The following CDYL2 variants were observed in gnomAD, a reference collection of about 807,000 sequenced individuals.
CDYL2 encodes chromodomain Y-like protein 2.
CDYL2 carries 23 observed loss-of-function variants against 49.4 expected under a neutral mutation model. The observed-to-expected ratio is 0.47, with a 90% CI of 0.34 to 0.66. The LOEUF is 0.66. CDYL2 is among the 30% of genes least tolerant of loss of function. The pLI, the probability that CDYL2 is intolerant of heterozygous loss-of-function variation, is 0.01. For missense variants in CDYL2, 678 were observed against 656.4 expected (o/e 1.03, Z -0.36); for synonymous variants, 360 against 268.8 (o/e 1.34, Z -3.32).
At chr16:80,723,358 G>T (rs1435343927) in intron 1 of CDYL2, among the ~76,000 whole-genome samples, 2 of 152,234 alleles carry the variant, frequency 1.3e-5, no homozygotes, top group African/African-American at 4.8e-5. Context: ...GCGCTGAGGA[G>T]CTGAGATGAA....
intron 6 of CDYL2, among the ~76,000 whole-genome samples, chr16:80,607,244 A>G (rs1461274077): frequency 2.0e-5 from 3 of 151,310 alleles, no homozygotes; most frequent in African/African-American, 7.4e-5. Context: ...ACTTAAACAC[A>G]GTAGGTGCCA....
rs1303176475 is a variant in CDYL2, at chr16:80,804,387, GGCA to G, written c.-217_-215del. 2.7e-5 allele frequency: 5 copies of G among 188,016 alleles called. No homozygotes were observed. Among genetic ancestry groups the G allele is most frequent in the Non-Finnish European group, 4.0e-5 (4 of 99,428 alleles). The allele number at this position is 188,016 out of a possible 1,614,324, so 11.6% of individuals were successfully genotyped here. A position where few individuals can be genotyped will look rare whatever the true frequency, so the allele number is the denominator to read the frequency against. ...GGGCGGCGGCGGGGCTGGCGTAACCGGCAGCAGCGGCGGCGGCGGCGGCGGCGG... is the reference window on the plus strand; with the variant it reads ...GGGCGGCGGCGGGGCTGGCGTAACCGGCAGCGGCGGCGGCGGCGGCGGCGG... On this transcript the variant is annotated 5_prime_UTR_variant, in exon 1 of 7. Coordinates refer to ENST00000570137, the MANE Select transcript of CDYL2 (RefSeq NM_152342.4).
intron 1 of CDYL2, among the ~76,000 whole-genome samples, chr16:80,798,090 G>T (rs1009453891): frequency 3.3e-5 from 5 of 152,138 alleles, no homozygotes. Context: ...ACCCAGGCTG[G>T]AGTGCAGTGG....
intron 2 of CDYL2, among the ~76,000 whole-genome samples, 188 bp downstream of exon 2, chr16:80,684,350 G>A (rs1313441822): frequency 1.3e-5 from 2 of 152,118 alleles, no homozygotes; most frequent in African/African-American, 4.8e-5. Context: ...CATGCATGAG[G>A]GTCTGTAACC....
chr16:80,627,359 T>C (rs1313727465), intron 3 of CDYL2, among the ~76,000 whole-genome samples: 1 of 151,934 alleles, frequency 6.6e-6, no homozygotes, highest in African/African-American at 2.4e-5. Flanking sequence ...AGAGAGTAGC[T>C]TCTCTGGCTA....
intron 1 of CDYL2, among the ~76,000 whole-genome samples, chr16:80,706,319 A>C (rs888922397): frequency 1.6e-4 from 24 of 152,302 alleles, no homozygotes; most frequent in African/African-American, 5.8e-4. Flanking sequence ...TGAGCTCAAA[A>C]ACAGGAGGGC....
At position 80,716,958 on chromosome 16, in the gene CDYL2, G is replaced by A. The variant is rs903061452; in HGVS notation, c.25-31829C>T. Reference sequence around the variant, plus strand: ...GAATGGATAGATAATGGATGGATGGGCAGATGGATGAGTGGATAGATGATT... The same window carrying A: ...GAATGGATAGATAATGGATGGATGGACAGATGGATGAGTGGATAGATGATT... On this transcript the variant is annotated intron_variant, in intron 1 of 6. Transcript: ENST00000570137. 4.1e-4 allele frequency among the ~76,000 whole-genome samples: 61 copies of A among 148,920 alleles called. 1 individual carries two copies. Among genetic ancestry groups the A allele is most frequent in the African/African-American group, 1.5e-3 (59 of 40,032 alleles).
chr16:80,654,046 T>G (rs1175926356), intron 2 of CDYL2, among the ~76,000 whole-genome samples: 2 of 152,230 alleles, frequency 1.3e-5, no homozygotes, highest in Non-Finnish European at 1.5e-5. Flanking sequence ...TCACCATTTC[T>G]GCCAATGAAG....
At position 80,678,639 on chromosome 16, in the gene CDYL2, T is replaced by C. The variant is rs754889301; in HGVS notation, c.616+5899A>G. Among the ~76,000 whole-genome samples the C allele has an allele frequency of 8.6e-3, 1,279 of 148,940 alleles. 22 individuals carry two copies. The highest frequency in any genetic ancestry group is 0.021 in the African/African-American group (838 of 40,494). On this transcript the variant is annotated intron_variant, in intron 2 of 6. Transcript: ENST00000570137. The stretch of plus-strand genomic sequence containing the variant: ...AGGTGCTGGAGAGGATGTGGAGAAA[T>C]AGGAACACTTTTACACTGTTGGTGG...
intron 1 of CDYL2, among the ~76,000 whole-genome samples, chr16:80,714,977 G>C (rs1290566146): frequency 2.0e-5 from 3 of 152,084 alleles, no homozygotes; most frequent in African/African-American, 7.2e-5. Context: ...CAGAGCTGTG[G>C]AGTCACTAAG....
At position 80,682,488 on chromosome 16, in the gene CDYL2, C is replaced by G. The variant is rs1244733830; in HGVS notation, c.616+2050G>C. Among the ~76,000 whole-genome samples the G allele has an allele frequency of 2.0e-5, 3 of 152,220 alleles. No individual in the cohort carries two copies. In the East Asian group the frequency reaches 5.8e-4, roughly 29 times the overall value. Reference sequence around the variant, plus strand: ...GAGCACAGAGCTCGCAGCTCTGCCTCACCGCAGAAGATTGCACAGCACAAG... The same window carrying G: ...GAGCACAGAGCTCGCAGCTCTGCCTGACCGCAGAAGATTGCACAGCACAAG... On this transcript the variant is annotated intron_variant, in intron 2 of 6. Transcript: ENST00000570137.
chr16:80,712,107 A>AGATGTGTGTGTATATATG (rs1212681976), intron 1 of CDYL2, among the ~76,000 whole-genome samples: 1 of 146,048 alleles, frequency 6.8e-6, no homozygotes, highest in African/African-American at 2.6e-5. Context: ...ATGTGTATAT[A>AGATGTGTGTGTATATATG]TGTGTATATA....
intron 4 of CDYL2, among the ~76,000 whole-genome samples, chr16:80,619,209 C>T (rs1461616105): frequency 3.3e-5 from 5 of 152,232 alleles, no homozygotes; most frequent in African/African-American, 1.2e-4. Context: ...GGAGCCCACA[C>T]TCCAATCCAG....
chr16:80,692,647 T>C (rs1262747100), intron 1 of CDYL2, among the ~76,000 whole-genome samples: 1 of 152,214 alleles, frequency 6.6e-6, no homozygotes. Context: ...AAATATTAAA[T>C]GATTTTCAAA....
chr16:80,739,160 G>C (rs907518304), intron 1 of CDYL2, among the ~76,000 whole-genome samples: 2 of 152,236 alleles, frequency 1.3e-5, no homozygotes, highest in African/African-American at 2.4e-5. Context: ...GTCATGAAAA[G>C]ACTGTATGAT....
chr16:80,729,936 G>C (rs571709572), intron 1 of CDYL2, among the ~76,000 whole-genome samples: 2 of 151,976 alleles, frequency 1.3e-5, no homozygotes, highest in Admixed American at 1.3e-4. Context: ...AGAATCTCTG[G>C]GACGCATTCA....
Position 80,599,639 on chromosome 16 carries a change from T to C in CDYL2, c.*4749A>G, listed in dbSNP as rs1597114156. On this transcript the variant is annotated 3_prime_UTR_variant, in exon 7 of 7. Coordinates refer to ENST00000570137, the MANE Select transcript of CDYL2 (RefSeq NM_152342.4). ...CAGATTGTCTACACAGTAAGACTCATAGGTAAACTTTGTTAACATCTCTCA... is the reference window on the plus strand; with the variant it reads ...CAGATTGTCTACACAGTAAGACTCACAGGTAAACTTTGTTAACATCTCTCA... 2 of 152,336 alleles carry C rather than the reference T, an allele frequency of 1.3e-5. No homozygotes were observed. Among genetic ancestry groups the C allele is most frequent in the Middle Eastern group, 6.8e-3 (2 of 294 alleles). The allele number at this position is 152,336 out of a possible 1,614,324, so 9.4% of individuals were successfully genotyped here. A position where few individuals can be genotyped will look rare whatever the true frequency, so the allele number is the denominator to read the frequency against.
intron 1 of CDYL2, among the ~76,000 whole-genome samples, chr16:80,690,609 T>A (rs1910377449): frequency 6.6e-6 from 1 of 152,230 alleles, no homozygotes; most frequent in South Asian, 2.1e-4. Flanking sequence ...CCAAATCCCA[T>A]GCTCTCGGCG....
At chr16:80,738,285 G>T (rs956378090) in intron 1 of CDYL2, among the ~76,000 whole-genome samples, 2 of 152,122 alleles carry the variant, frequency 1.3e-5, no homozygotes, top group Non-Finnish European at 2.9e-5. Flanking sequence ...ATTCGGGTTG[G>T]TTACAAGTCT....
Sources: gnomAD v4.1 joint callset for allele counts (sites outside exome capture counted in the v4.1 genomes callset) on GRCh38, gnomAD v4.1.1 for gene constraint, MANE v1.5 for transcripts, NCBI Gene and HGNC (gene_info 2026-07-23, HGNC 2026-07-21) for gene names.